SAMMSON: variants seen among roughly 807,000 people sequenced by gnomAD.
The protein encoded by SAMMSON is survival associated mitochondrial melanoma specific oncogenic non-coding RNA.
intron 4 of SAMMSON, among the ~76,000 whole-genome samples, chr3:70,211,664 T>C (rs1365888216): frequency 2.0e-4 from 22 of 109,720 alleles, no homozygotes; most frequent in South Asian, 1.1e-3. Flanking sequence ...TTCCCTTCCC[T>C]TTCCCTTCCC....
At chr3:70,428,324 C>T (rs954706400) in intron 2 of SAMMSON, among the ~76,000 whole-genome samples, 1 of 152,050 alleles carries the variant, frequency 6.6e-6, no homozygotes, top group Non-Finnish European at 1.5e-5. Context: ...AGTTAGAAGG[C>T]TAATACTACC....
chr3:70,334,358 C>G (rs1390437345), intron 7 of SAMMSON, among the ~76,000 whole-genome samples: 1 of 151,710 alleles, frequency 6.6e-6, no homozygotes, highest in Non-Finnish European at 1.5e-5. Context: ...AATAGAATGC[C>G]TTGAGATAAA....
intron 7 of SAMMSON, among the ~76,000 whole-genome samples, chr3:70,305,881 T>C (rs1702395089): frequency 6.6e-6 from 1 of 152,182 alleles, no homozygotes; most frequent in Admixed American, 6.5e-5. Context: ...ATTTGAGATT[T>C]TGCATTATAT....
rs1702688127 is a variant in SAMMSON at position 70,338,988 on chromosome 3, CT to C, written n.740-15186del. Among the ~76,000 whole-genome samples, 3 of 152,252 alleles carry C rather than the reference CT, an allele frequency of 2.0e-5. No homozygotes were observed. In the South Asian group the frequency reaches 6.2e-4, roughly 32 times the overall value. ...AACAGAGCTGGAGGCATCACACTACCTGACTTCAAACTATACTACAAGGCTA... is the reference window on the plus strand; with the variant it reads ...AACAGAGCTGGAGGCATCACACTACCGACTTCAAACTATACTACAAGGCTA... On this transcript the variant is annotated intron_variant and non_coding_transcript_variant, in intron 7 of 9. Transcript: ENST00000642114.
intron 4 of SAMMSON, among the ~76,000 whole-genome samples, chr3:70,091,182 T>G (rs1459156069): frequency 2.0e-5 from 3 of 152,196 alleles, no homozygotes; most frequent in Non-Finnish European, 4.4e-5. Flanking sequence ...AGTCTATTTT[T>G]GATTAGGCTG....
At chr3:70,219,906 C>G (rs901122149) in intron 4 of SAMMSON, among the ~76,000 whole-genome samples, 1 of 152,026 alleles carries the variant, frequency 6.6e-6, no homozygotes, top group Non-Finnish European at 1.5e-5. Context: ...TAAGCATAAG[C>G]GTTGTTCAAA....
At chr3:70,045,086 AAT>A (rs1393587523) in intron 3 of SAMMSON, among the ~76,000 whole-genome samples, 35 of 78,548 alleles carry the variant, frequency 4.5e-4, no homozygotes, top group South Asian at 7.5e-4. Context: ...TAATATATAT[AAT>A]TAATTATAAT....
At chr3:70,234,337 G>A (rs1484521913) in intron 4 of SAMMSON, among the ~76,000 whole-genome samples, 8 of 152,136 alleles carry the variant, frequency 5.3e-5, no homozygotes, top group East Asian at 1.9e-4. Context: ...GGGATAAAAA[G>A]CAAACAGTAC....
intron 4 of SAMMSON, among the ~76,000 whole-genome samples, chr3:70,182,974 A>C (rs1276219147): frequency 6.6e-6 from 1 of 152,166 alleles, no homozygotes; most frequent in East Asian, 1.9e-4. Flanking sequence ...GTTAACGCTG[A>C]AATCTGAGCA....
At chr3:70,345,409 A>T (rs1471495551) in intron 7 of SAMMSON, among the ~76,000 whole-genome samples, 1 of 152,158 alleles carries the variant, frequency 6.6e-6, no homozygotes, top group Non-Finnish European at 1.5e-5. Context: ...AACACTTTCA[A>T]GTGAGACTGC....
chr3:70,044,683 T>A (rs1207578374), intron 3 of SAMMSON, among the ~76,000 whole-genome samples: 1 of 151,810 alleles, frequency 6.6e-6, no homozygotes, highest in Non-Finnish European at 1.5e-5. Flanking sequence ...AACACACACA[T>A]GCACAAATAA....
At chr3:70,101,706 C>T (rs1377691383) in intron 4 of SAMMSON, among the ~76,000 whole-genome samples, 2 of 152,072 alleles carry the variant, frequency 1.3e-5, no homozygotes, top group East Asian at 3.9e-4. Context: ...ATATTTATAT[C>T]CGTGGTTGCA....
At chr3:70,083,257 C>G (rs1327635490) in intron 4 of SAMMSON, among the ~76,000 whole-genome samples, 1 of 152,102 alleles carries the variant, frequency 6.6e-6, no homozygotes. Context: ...ATTCTGAGGC[C>G]GCATGTGACT....
At chr3:70,232,434 G>T (rs1417953203) in intron 4 of SAMMSON, among the ~76,000 whole-genome samples, 1 of 150,268 alleles carries the variant, frequency 6.7e-6, no homozygotes, top group African/African-American at 2.5e-5. Context: ...ATGGAGTCTC[G>T]CTCTGTCGCC....
At chr3:70,202,620 T>C (rs554599587) in intron 4 of SAMMSON, among the ~76,000 whole-genome samples, 1 of 152,220 alleles carries the variant, frequency 6.6e-6, no homozygotes, top group South Asian at 2.1e-4. Flanking sequence ...TAAAGAAGGT[T>C]TAAGATGGAT....
chr3:70,061,679 C>T (rs1293069018), intron 3 of SAMMSON, among the ~76,000 whole-genome samples: 3 of 152,056 alleles, frequency 2.0e-5, no homozygotes, highest in Non-Finnish European at 2.9e-5. Flanking sequence ...GCGTTTGCAA[C>T]GCCTGGGTTA....
chr3:70,208,452 G>A (rs1013479771), intron 4 of SAMMSON, among the ~76,000 whole-genome samples: 4 of 152,032 alleles, frequency 2.6e-5, no homozygotes, highest in Non-Finnish European at 5.9e-5. Context: ...AAGGCAATGG[G>A]TTCTAGACTT....
At chr3:70,286,508 G>A (rs900913823) in intron 6 of SAMMSON, among the ~76,000 whole-genome samples, 3 of 151,590 alleles carry the variant, frequency 2.0e-5, no homozygotes, top group African/African-American at 7.3e-5. Flanking sequence ...CTCCAGCTTT[G>A]TTCCTTTGGC....
intron 4 of SAMMSON, among the ~76,000 whole-genome samples, chr3:70,149,309 G>A (rs1021699027): frequency 6.6e-6 from 1 of 152,076 alleles, no homozygotes; most frequent in African/African-American, 2.4e-5. Flanking sequence ...AGCAGAGCTA[G>A]TAACCCTGAA....
Sources: allele counts gnomAD v4.1 joint callset (sites outside exome capture counted in the v4.1 genomes callset), GRCh38; gene constraint gnomAD v4.1.1; transcripts MANE v1.5; gene names NCBI Gene and HGNC (gene_info 2026-07-23, HGNC 2026-07-21).